Variants in COL4A1 observed in about 807,000 individuals in gnomAD.
The protein encoded by COL4A1 is collagen alpha-1(IV) chain.
A neutral mutation model predicts 216.6 loss-of-function variants in COL4A1; 40 were observed. That is an observed-to-expected ratio of 0.18 (90% CI 0.14 to 0.24). The LOEUF is 0.24. Among genes scored for constraint, COL4A1 ranks in the 10% least tolerant of loss-of-function variants. The probability of loss-of-function intolerance (pLI) is 1.00; values close to 1 mark genes in which losing one functional copy is unlikely to be tolerated. For missense variants in COL4A1, 1,628 were observed against 2,196.8 expected (o/e 0.74, Z 5.18); for synonymous variants, 839 against 810.7 (o/e 1.03, Z -0.59).
intron 42 of COL4A1, among the ~76,000 whole-genome samples, chr13:110,170,117 G>GGAAGGAAGGAAGGAAGGAAA (rs1555302323): frequency 2.5e-3 from 62 of 24,802 alleles, no homozygotes; most frequent in African/African-American, 0.017. Context: ...GAGGAAAGAA[G>GGAAGGAAGGAAGGAAGGAAA]GAAGGAAGGA....
At chr13:110,292,486 C>T (rs533686929) in intron 1 of COL4A1, among the ~76,000 whole-genome samples, 125 of 152,246 alleles carry the variant, frequency 8.2e-4, no homozygotes, top group African/African-American at 2.8e-3. Flanking sequence ...GCTATAACTG[C>T]TATAAAGATA....
At position 110,175,246 on chromosome 13, in the gene COL4A1, A is replaced by G. The variant is rs569940067; in HGVS notation, c.3170T>C (p.Ile1057Thr). 2.5e-5 allele frequency: 41 copies of G among 1,614,202 alleles called. No homozygotes were observed. In the African/African-American group the frequency reaches 4.3e-4, roughly 17 times the overall value. ...GEKGQAGPPG[I>T]GIPGLRGEKG... ...TTCACCTCGCAGCCCTGGGATGCCT[A>G]TGCCAGGTGGGCCTGCCTGCCCTTT... Residue 1057 changes from isoleucine (I) to threonine (T), a missense_variant, in exon 37 of 52, where the codon ATA becomes ACA. Transcript: ENST00000375820.
At chr13:110,301,637 G>T (rs970528662) in intron 1 of COL4A1, among the ~76,000 whole-genome samples, 13 of 152,192 alleles carry the variant, frequency 8.5e-5, no homozygotes. Context: ...CTCGAGAGGG[G>T]ATCACGTGGA....
chr13:110,162,146 C>T, intron 48 of COL4A1, 84 bp downstream of exon 48: 10 of 1,253,918 alleles, frequency 8.0e-6, no homozygotes, highest in Non-Finnish European at 1.2e-5. Context: ...CTCACTGCAG[C>T]AGCAGAGGCG....
At position 110,186,551 on chromosome 13, in the gene COL4A1, A is replaced by G. The variant is rs758653956; in HGVS notation, c.1731T>C (p.Gly577=). 1 of 1,613,954 alleles carries G rather than the reference A, an allele frequency of 6.2e-7. No individual in the cohort carries two copies. The highest frequency in any genetic ancestry group is 8.5e-7 in the Non-Finnish European group (1 of 1,180,012). The change falls in exon 26 of 52, where the codon GGT becomes GGC. Residue 577 remains glycine, a splice_region_variant and synonymous_variant. Coordinates refer to ENST00000375820, the MANE Select transcript of COL4A1 (RefSeq NM_001845.6). ...PGLPGPKGSP[G]SVGLKGERGP... ...CACGCTCTCCTTTCAATCCTACAGAACCCTGATGTGAGAAGAAGAAAAAGA... is the reference window on the plus strand; with the variant it reads ...CACGCTCTCCTTTCAATCCTACAGAGCCCTGATGTGAGAAGAAGAAAAAGA...
chr13:110,293,341 C>T (rs1469945003), intron 1 of COL4A1, among the ~76,000 whole-genome samples: 2 of 152,212 alleles, frequency 1.3e-5, no homozygotes, highest in East Asian at 3.8e-4. Context: ...GTAGAGGTAG[C>T]GGCTGCTGCG....
At chr13:110,233,391 G>A (rs758962343) in intron 2 of COL4A1, among the ~76,000 whole-genome samples, 6 of 152,158 alleles carry the variant, frequency 3.9e-5, no homozygotes, top group African/African-American at 1.2e-4. Flanking sequence ...GCCAGCCAAC[G>A]GGAGGGGAGG....
Position 110,207,843 on chromosome 13 carries a change from C to T in COL4A1, c.694-354G>A, listed in dbSNP as rs1412375830. ...AAGGAATACAAACTACCTAATAGAG[C>T]TTGAGAAAAAAGAAGGCATTTTAGG... On this transcript the variant is annotated intron_variant, in intron 12 of 51. Transcript: ENST00000375820. This position sits in a 1 kb window ranked among gnomAD's most constrained non-coding sequence, Gnocchi z 4.4. Among the ~76,000 whole-genome samples the T allele has an allele frequency of 6.6e-6, 1 of 152,142 alleles. No homozygotes were observed.
chr13:110,163,965 CTTCT>C (rs1179426812), intron 46 of COL4A1, among the ~76,000 whole-genome samples: 1 of 140,650 alleles, frequency 7.1e-6, no homozygotes, highest in African/African-American at 2.6e-5. Flanking sequence ...GCTTGTTCTT[CTTCT>C]TTCTTTCTCT....
At chr13:110,261,383 C>A (rs562260006) in intron 1 of COL4A1, among the ~76,000 whole-genome samples, 1 of 152,222 alleles carries the variant, frequency 6.6e-6, no homozygotes, top group African/African-American at 2.4e-5. Flanking sequence ...TTCCACCTCT[C>A]GGATTTGGGA....
intron 26 of COL4A1, among the ~76,000 whole-genome samples, chr13:110,185,318 G>T (rs1312443982): frequency 2.6e-5 from 4 of 151,904 alleles, no homozygotes; most frequent in Non-Finnish European, 4.4e-5. Flanking sequence ...GCTAACTTTT[G>T]TATTTTTAGT....
At chr13:110,200,820 A>G in intron 20 of COL4A1, 34 bp downstream of exon 20, 1 of 1,607,638 alleles carries the variant, frequency 6.2e-7, no homozygotes, top group Non-Finnish European at 8.5e-7. Flanking sequence ...AAGGTGTGCA[A>G]GTATGCTATA....
intron 1 of COL4A1, among the ~76,000 whole-genome samples, chr13:110,277,109 G>A (rs1240551149): frequency 6.6e-6 from 1 of 152,040 alleles, no homozygotes; most frequent in Non-Finnish European, 1.5e-5. Flanking sequence ...TACGTTAATC[G>A]AGCTTAAATG....
intron 26 of COL4A1, among the ~76,000 whole-genome samples, chr13:110,186,176 C>T (rs748985339): frequency 6.6e-6 from 1 of 152,354 alleles, no homozygotes; most frequent in African/African-American, 2.4e-5. Context: ...AGTTCTCCAC[C>T]TGCATATTAC....
Position 110,172,703 on chromosome 13 carries a change from C to G in COL4A1, c.3556+17G>C, listed in dbSNP as rs1288698429. 8 of 1,612,468 alleles carry G rather than the reference C, an allele frequency of 5.0e-6. No individual in the cohort carries two copies. In the Admixed American group the frequency reaches 1.2e-4, roughly 24 times the overall value. ...AGCGGTTGGTTGAAAAGGAAGAGCA[C>G]AGTGAGCAAAGATTACCTTTGTCTC... is the stretch of plus-strand genomic sequence containing the variant. On this transcript the variant is annotated intron_variant, in intron 41 of 51. Coordinates refer to ENST00000375820, the MANE Select transcript of COL4A1 (RefSeq NM_001845.6).
chr13:110,226,599 AC>A (rs1272517724), intron 2 of COL4A1, among the ~76,000 whole-genome samples: 1 of 152,266 alleles, frequency 6.6e-6, no homozygotes, highest in Non-Finnish European at 1.5e-5. Flanking sequence ...AGACAAACCA[AC>A]TTTGCCCATA....
At chr13:110,265,204 T>C (rs1882981831) in intron 1 of COL4A1, 2 of 152,010 alleles carry the variant, frequency 1.3e-5, no homozygotes, top group Non-Finnish European at 2.9e-5. Flanking sequence ...TAAAGAAAGG[T>C]AGGGAGGTAG....
intron 49 of COL4A1, among the ~76,000 whole-genome samples, chr13:110,158,614 A>G (rs1876908910): frequency 6.6e-6 from 1 of 152,152 alleles, no homozygotes; most frequent in African/African-American, 2.4e-5. Flanking sequence ...AATATAAAAA[A>G]CTTTGTATCT....
chr13:110,277,633 C>T (rs1227384385), intron 1 of COL4A1, among the ~76,000 whole-genome samples: 2 of 152,148 alleles, frequency 1.3e-5, no homozygotes, highest in South Asian at 2.1e-4. Flanking sequence ...ACAGTATGTC[C>T]GTGTAACACA....
Sources: allele counts gnomAD v4.1 joint callset (sites outside exome capture counted in the v4.1 genomes callset), GRCh38; gene constraint gnomAD v4.1.1; non-coding constraint Gnocchi (gnomAD v3.1); transcripts MANE v1.5; gene names NCBI Gene and HGNC (gene_info 2026-07-23, HGNC 2026-07-21).